The following AFF2 variants were observed in gnomAD, a reference collection of about 807,000 sequenced individuals.
The protein encoded by AFF2 is AF4/FMR2 family member 2.
Under a neutral mutation model 76.9 loss-of-function variants are expected in AFF2, and 14 were observed. The observed-to-expected ratio is 0.18, with a 90% CI of 0.12 to 0.28. AFF2 has a LOEUF of 0.28. AFF2 is among the 10% of genes least tolerant of loss of function. The pLI is 1.00. For synonymous variants in AFF2, 398 were observed against 366.7 expected, an observed-to-expected ratio of 1.09 and a Z score of -0.98; for missense variants, 868 against 1,001.1, an observed-to-expected ratio of 0.87 and a Z score of 1.79.
In AFF2 at chrX:148,956,417, C is replaced by G. The variant is rs1429518469; in HGVS notation, c.2372C>G (p.Pro791Arg). ...IPVMQTEILSPLRDHENLKNL... is the reference protein window; with the variant it reads ...IPVMQTEILSRLRDHENLKNL... Reference sequence around the variant, plus strand: ...GTCATGCAAACTGAAATCCTGTCCCCTCTGCGAGATCATGAGAACCTGAAA... The same window carrying G: ...GTCATGCAAACTGAAATCCTGTCCCGTCTGCGAGATCATGAGAACCTGAAA... The change falls in exon 11 of 21, where the codon CCT (proline) becomes CGT (arginine). Residue 791 changes from proline (P) to arginine (R), a missense_variant. By Grantham distance (103) the Pro-to-Arg change is moderately radical. Transcript: ENST00000370460. The G allele has an allele frequency of 8.3e-7, 1 of 1,209,632 alleles. No homozygotes were observed. The highest frequency in any genetic ancestry group is 2.2e-5 in the Admixed American group (1 of 45,727).
chrX:148,683,102 C>G (rs1282619439), intron 3 of AFF2, among the ~76,000 whole-genome samples: 1 of 111,873 alleles, frequency 8.9e-6, no homozygotes, highest in Non-Finnish European at 1.9e-5. Flanking sequence ...CTTGGATTTT[C>G]TTGTGTTGGT....
chrX:148,502,761 A>G (rs2052367123), intron 1 of AFF2, among the ~76,000 whole-genome samples: 1 of 112,923 alleles, frequency 8.9e-6, no homozygotes, highest in Admixed American at 9.3e-5. Flanking sequence ...AATTTAACAG[A>G]CATTGTTATA....
intron 2 of AFF2, among the ~76,000 whole-genome samples, chrX:148,658,744 T>C (rs1358919476): frequency 8.9e-6 from 1 of 112,545 alleles, no homozygotes; most frequent in Non-Finnish European, 1.9e-5. Context: ...CTACGAGCTT[T>C]TCCTTTTTGC....
chrX:148,955,197 A>G (rs112791668), intron 10 of AFF2, among the ~76,000 whole-genome samples: 1 of 112,379 alleles, frequency 8.9e-6, no homozygotes, highest in African/African-American at 3.2e-5. Context: ...CGTTCCTTTC[A>G]GGATCAGAGA....
At chrX:148,730,840 G>A (rs2055211814) in intron 3 of AFF2, among the ~76,000 whole-genome samples, 1 of 112,328 alleles carries the variant, frequency 8.9e-6, no homozygotes, top group South Asian at 3.6e-4. Flanking sequence ...TCTGATGGTG[G>A]TGTGGTCTCA....
intron 19 of AFF2, among the ~76,000 whole-genome samples, chrX:148,987,138 G>A (rs1247866482): frequency 2.7e-5 from 3 of 111,531 alleles, no homozygotes; most frequent in Non-Finnish European, 5.7e-5. Context: ...AAGCTATTGT[G>A]TTGACAAAAG....
intron 3 of AFF2, among the ~76,000 whole-genome samples, chrX:148,769,479 T>C (rs1265068033): frequency 8.9e-6 from 1 of 111,803 alleles, no homozygotes; most frequent in Non-Finnish European, 1.9e-5. Context: ...CGATAAACTG[T>C]TGAACACTTT....
chrX:148,833,869 A>G (rs1289924836), intron 4 of AFF2, among the ~76,000 whole-genome samples: 1 of 111,948 alleles, frequency 8.9e-6, no homozygotes, highest in African/African-American at 3.3e-5. Context: ...TACTTGAGAT[A>G]ACAGCTATTC....
At chrX:148,676,161 G>A (rs1356246006) in intron 3 of AFF2, among the ~76,000 whole-genome samples, 2 of 105,649 alleles carry the variant, frequency 1.9e-5, no homozygotes, top group Non-Finnish European at 3.9e-5. Context: ...CCAGGTTCAC[G>A]CCATTCTCCG....
At chrX:148,655,711 T>C (rs2054245032) in intron 2 of AFF2, among the ~76,000 whole-genome samples, 1 of 112,017 alleles carries the variant, frequency 8.9e-6, no homozygotes, top group Admixed American at 9.4e-5. Flanking sequence ...CAGGGTTCCC[T>C]GGGAGAACAC....
intron 3 of AFF2, among the ~76,000 whole-genome samples, chrX:148,669,272 T>G (rs990287458): frequency 8.9e-6 from 1 of 112,053 alleles, no homozygotes; most frequent in Non-Finnish European, 1.9e-5. Flanking sequence ...CAAACTTTCC[T>G]GCATTTTTCT....
intron 7 of AFF2, among the ~76,000 whole-genome samples, chrX:148,875,647 C>G (rs1180343449): frequency 1.8e-5 from 2 of 110,904 alleles, no homozygotes; most frequent in Non-Finnish European, 3.8e-5. Context: ...TAAAATATAC[C>G]TTAGATTGAG....
intron 3 of AFF2, among the ~76,000 whole-genome samples, chrX:148,738,695 T>A (rs1557265352): frequency 9.0e-6 from 1 of 111,550 alleles, no homozygotes; most frequent in Non-Finnish European, 1.9e-5. Context: ...TCTAGTTCCT[T>A]GAGGTGTGAC....
intron 7 of AFF2, among the ~76,000 whole-genome samples, chrX:148,850,645 G>T (rs1297060600): frequency 2.7e-5 from 3 of 112,356 alleles, no homozygotes; most frequent in Non-Finnish European, 5.6e-5. Flanking sequence ...TTATTACATT[G>T]TAAAGTGCTA....
intron 3 of AFF2, among the ~76,000 whole-genome samples, chrX:148,705,415 G>A (rs1190944453): frequency 8.9e-6 from 1 of 112,207 alleles, no homozygotes; most frequent in African/African-American, 3.2e-5. Flanking sequence ...CCAGGAGAAA[G>A]TGTATTATTT....
chrX:148,707,772 C>T (rs1203143962), intron 3 of AFF2, among the ~76,000 whole-genome samples: 1 of 111,284 alleles, frequency 9.0e-6, no homozygotes, highest in Non-Finnish European at 1.9e-5. Context: ...ACAATAAATC[C>T]ATGCAATTGG....
chrX:148,819,514 A>G (rs2070304379), intron 4 of AFF2, among the ~76,000 whole-genome samples: 2 of 111,174 alleles, frequency 1.8e-5, no homozygotes, highest in Admixed American at 1.9e-4. Context: ...CAGGTTGTCT[A>G]TTACCTTATA....
At chrX:148,879,172 T>C (rs1349798469) in intron 7 of AFF2, among the ~76,000 whole-genome samples, 2 of 112,200 alleles carry the variant, frequency 1.8e-5, no homozygotes, top group Admixed American at 9.5e-5. Flanking sequence ...ACTATTCTCC[T>C]ACTGTTGTTT....
intron 1 of AFF2, among the ~76,000 whole-genome samples, chrX:148,564,869 T>C (rs1303808963): frequency 2.7e-5 from 3 of 112,161 alleles, no homozygotes; most frequent in Non-Finnish European, 3.8e-5. Context: ...CACACAGTAA[T>C]ACTCAATAGA....
Sources: allele counts gnomAD v4.1 joint callset (sites outside exome capture counted in the v4.1 genomes callset), GRCh38; gene constraint gnomAD v4.1.1; transcripts MANE v1.5; gene names NCBI Gene and HGNC (gene_info 2026-07-23, HGNC 2026-07-21).